The following STARD9 variants were observed in gnomAD, a reference collection of about 807,000 sequenced individuals.
STARD9 encodes the protein StAR related lipid transfer domain containing 9, also known as stAR-related lipid transfer protein 9.
In STARD9, 346 loss-of-function variants were observed where a neutral mutation model predicts 399.8. The ratio of observed to expected loss-of-function variants is 0.87; its 90% confidence interval spans 0.79 to 0.95. The LOEUF (loss-of-function observed/expected upper bound fraction) is 0.95, where lower values mean the gene tolerates loss of function less well. Among genes scored for constraint, STARD9 ranks in the 40% least tolerant of loss-of-function variants. The pLI, the probability that STARD9 is intolerant of heterozygous loss-of-function variation, is 0.00. For synonymous variants in STARD9, 2,203 were observed against 2,143.5 expected, an observed-to-expected ratio of 1.03 and a Z score of -0.77; for missense variants, 5,832 against 5,667.5, an observed-to-expected ratio of 1.03 and a Z score of -0.93.
intron 20 of STARD9, 139 bp downstream of exon 20, chr15:42,676,114 G>A (rs1320799383): frequency 7.1e-6 from 5 of 705,958 alleles, no homozygotes; most frequent in African/African-American, 5.3e-5. Flanking sequence ...AATCAACTTG[G>A]GCAAGTCATT....
At chr15:42,640,735 C>G (rs755868255) in intron 7 of STARD9, among the ~76,000 whole-genome samples, 1 of 148,690 alleles carries the variant, frequency 6.7e-6, no homozygotes. Flanking sequence ...GCGGGAGAAT[C>G]GCTTGAACCT....
At chr15:42,600,772 A>G (rs2058605485) in intron 3 of STARD9, among the ~76,000 whole-genome samples, 1 of 151,500 alleles carries the variant, frequency 6.6e-6, no homozygotes, top group Non-Finnish European at 1.5e-5. Context: ...TGATCTGCCC[A>G]TCTTGGCCTC....
rs1198262032 is a variant in STARD9, at chr15:42,674,845, T to C, written c.1568T>C (p.Ile523Thr). The change falls in exon 18 of 33, where the codon ATT becomes ACT. Residue 523 changes from isoleucine to threonine, a missense_variant. By Grantham distance (89) the Ile-to-Thr change is moderately conservative (BLOSUM62 -1). Around this residue, in one of 2 missense-constraint regions of STARD9, gnomAD observed 5,828 missense variants for 5,651.1 expected, o/e 1.03. Coordinates refer to ENST00000290607, the MANE Select transcript of STARD9 (RefSeq NM_020759.3). ...TTTGTAGTCCTGCAGGGTCAGTGGATTGAGAGAGACCACTGCACTATCACC... is the reference window on the plus strand; with the variant it reads ...TTTGTAGTCCTGCAGGGTCAGTGGACTGAGAGAGACCACTGCACTATCACC... ...EQDIVLQGQW[I>T]ERDHCTITSA... 1 of 1,534,766 alleles carries C rather than the reference T, an allele frequency of 6.5e-7. No individual in the cohort carries two copies. The highest frequency in any genetic ancestry group is 8.7e-7 in the Non-Finnish European group (1 of 1,145,848).
chr15:42,693,908 C>CTT lies in STARD9; in HGVS notation c.12330_12331insTT (p.Gln4111PhefsTer24). 1 of 1,520,486 alleles carries CTT rather than the reference C, an allele frequency of 6.6e-7. No individual in the cohort carries two copies. The highest frequency in any genetic ancestry group is 8.8e-7 in the Non-Finnish European group (1 of 1,137,552). 94.2% of individuals were successfully genotyped at this position (1,520,486 alleles called of 1,614,324 possible). On this transcript the variant is annotated frameshift_variant, in exon 23 of 33. Coordinates refer to ENST00000290607, the MANE Select transcript of STARD9 (RefSeq NM_020759.3). LOFTEE classifies it high-confidence loss of function. ...CTGCCTTGGGCCTCCCTCAGGCCTG[C>CTT]CAACCTGAGGAGTTACTGTGCTTCA... is the stretch of plus-strand genomic sequence containing the variant.
intron 6 of STARD9, 65 bp downstream of exon 6, chr15:42,638,152 C>A: frequency 7.2e-7 from 1 of 1,398,342 alleles, no homozygotes; most frequent in South Asian, 1.2e-5. Context: ...CTACCATGTT[C>A]AGCTGTCCTC....
Position 42,685,328 on chromosome 15 carries a change from A to C in STARD9, c.3750A>C (p.Ala1250=), listed in dbSNP as rs6493059. The C allele has an allele frequency of 0.23, 346,370 of 1,537,102 alleles. 42,184 individuals are homozygous for C. The highest frequency in any genetic ancestry group is 0.37 in the African/African-American group (27,179 of 73,044). ...GTCTGCCTGTAATGGACCAAGAGGC[A>C]ATATGCAGGCTTGGTCCCATCAACT... The part of the protein sequence containing the change: ...DSSLPVMDQE[A]ICRLGPINYR... Residue 1250 remains alanine (A), a synonymous_variant, in exon 23 of 33, where the codon GCA becomes GCC. Transcript: ENST00000290607.
chr15:42,614,875 G>C (rs947794319), intron 3 of STARD9, among the ~76,000 whole-genome samples: 1 of 152,072 alleles, frequency 6.6e-6, no homozygotes, highest in Admixed American at 6.5e-5. Context: ...TGAGGCGGGA[G>C]AATCCCTTGA....
chr15:42,640,249 C>G (rs568463978), intron 7 of STARD9, among the ~76,000 whole-genome samples: 22 of 152,036 alleles, frequency 1.4e-4, no homozygotes, highest in African/African-American at 5.1e-4. Flanking sequence ...TGATAAGGAG[C>G]GGGACATGAA....
Position 42,690,881 on chromosome 15 carries a change from C to T in STARD9, c.9303C>T (p.Ala3101=). Residue 3101 remains alanine (A), a synonymous_variant, in exon 23 of 33, where the codon GCC becomes GCT. Transcript: ENST00000290607. ...AAGCAAGCACAGAACTTGAGGCTGC[C>T]TCTTTCCCTGCAGGCATGTACTCTG... ...EKQASTELEA[A]SFPAGMYSEP... 3.3e-6 allele frequency: 5 copies of T among 1,537,200 alleles called. No homozygotes were observed. Among genetic ancestry groups the T allele is most frequent in the Non-Finnish European group, 4.4e-6 (5 of 1,146,908 alleles).
rs1480498510 is a variant in STARD9, at chr15:42,720,516, C to A, written c.*942C>A. On this transcript the variant is annotated 3_prime_UTR_variant, in exon 33 of 33. Transcript: ENST00000290607. The stretch of plus-strand genomic sequence containing the variant: ...TCAGTGCACTTGGGAGGGGTGGAGT[C>A]CTGAGCATTCCATGATTTCTGCCCT... The A allele has an allele frequency of 1.3e-5, 2 of 152,316 alleles. No individual in the cohort carries two copies. The highest frequency in any genetic ancestry group is 3.9e-4 in the East Asian group (2 of 5,184). The allele number at this position is 152,316 out of a possible 1,614,324, so 9.4% of individuals were successfully genotyped here. A position where few individuals can be genotyped will look rare whatever the true frequency, so the allele number is the denominator to read the frequency against.
chr15:42,598,909 G>GT (rs764776720), intron 3 of STARD9, among the ~76,000 whole-genome samples: 7 of 151,628 alleles, frequency 4.6e-5, no homozygotes, highest in Admixed American at 1.3e-4. Flanking sequence ...TGGGGTCTCT[G>GT]TTTTTTTTGT....
Position 42,663,909 on chromosome 15 carries a change from G to A in STARD9, c.1168G>A (p.Val390Ile), listed in dbSNP as rs1274182751. The A allele has an allele frequency of 2.0e-6, 3 of 1,532,662 alleles. No homozygotes were observed. The highest frequency in any genetic ancestry group is 3.9e-5 in the Admixed American group (2 of 51,000). 94.9% of individuals were successfully genotyped at this position (1,532,662 alleles called of 1,614,324 possible). ...CAAAAACATTATCAACAAGCCACGA[G>A]TAAATGAGGTGAGACCTTTTCAGAA... ...SAKNIINKPR[V>I]NEDANLKLIR... is the part of the protein sequence containing the mutation. Residue 390 changes from valine (V) to isoleucine (I), a missense_variant, in exon 13 of 33, where the codon GTA becomes ATA. Val to Ile is a conservative substitution (Grantham distance 29). Coordinates refer to ENST00000290607, the MANE Select transcript of STARD9 (RefSeq NM_020759.3).
intron 26 of STARD9, among the ~76,000 whole-genome samples, chr15:42,696,380 G>A (rs984341835): frequency 6.6e-6 from 1 of 152,186 alleles, no homozygotes; most frequent in African/African-American, 2.4e-5. Context: ...TAGCAAGTGA[G>A]GCCTTGAGGA....
chr15:42,715,640 T>G (rs1595832690), intron 26 of STARD9, among the ~76,000 whole-genome samples: 1 of 151,902 alleles, frequency 6.6e-6, no homozygotes, highest in African/African-American at 2.4e-5. Flanking sequence ...CTCAAGTAGC[T>G]GGGATTACAG....
chr15:42,601,344 A>G (rs1175958143), intron 3 of STARD9, among the ~76,000 whole-genome samples: 5 of 152,026 alleles, frequency 3.3e-5, no homozygotes, highest in African/African-American at 7.2e-5. Context: ...CAAAACCGCC[A>G]TCGTCATCAT....
At chr15:42,616,387 G>C (rs1233819783) in intron 3 of STARD9, among the ~76,000 whole-genome samples, 1 of 152,230 alleles carries the variant, frequency 6.6e-6, no homozygotes, top group Non-Finnish European at 1.5e-5. Flanking sequence ...TTCTTCCACT[G>C]TAAAGTGAAA....
At chr15:42,637,964 C>T in intron 5 of STARD9, 25 bp downstream of exon 5, 1 of 1,537,204 alleles carries the variant, frequency 6.5e-7, no homozygotes, top group Non-Finnish European at 8.7e-7. Flanking sequence ...TTGGCTGGAT[C>T]CTCTCAAAGT....
chr15:42,658,289 G>T (rs2059916928), intron 9 of STARD9, among the ~76,000 whole-genome samples: 2 of 1,408 alleles, frequency 1.4e-3, no homozygotes, highest in East Asian at 0.014. Flanking sequence ...GGACTTACAG[G>T]TGTGTGTGTG....
chr15:42,678,642 G>A (rs935850057), intron 20 of STARD9, among the ~76,000 whole-genome samples: 17 of 152,160 alleles, frequency 1.1e-4, no homozygotes, highest in Non-Finnish European at 1.8e-4. Flanking sequence ...GCCAGACCCC[G>A]AGGCTGGGGG....
Sources: gnomAD v4.1 joint callset for allele counts (sites outside exome capture counted in the v4.1 genomes callset) on GRCh38, gnomAD v4.1.1 for gene constraint, gnomAD v4.1.1 regional missense constraint, MANE v1.5 for transcripts, NCBI Gene and HGNC (gene_info 2026-07-23, HGNC 2026-07-21) for gene names.